STPG4: variants seen among roughly 807,000 people sequenced by gnomAD.
STPG4 encodes the protein protein STPG4.
A neutral mutation model predicts 31.5 loss-of-function variants in STPG4; 41 were observed. That is an observed-to-expected ratio of 1.30 (90% CI 1.01 to 1.69). The LOEUF (loss-of-function observed/expected upper bound fraction) is 1.69, where lower values mean the gene tolerates loss of function less well. Among genes scored for constraint, STPG4 ranks in the 40% most tolerant of loss-of-function variants. The probability of loss-of-function intolerance (pLI) is 0.00; values close to 1 mark genes in which losing one functional copy is unlikely to be tolerated. For synonymous variants in STPG4, 141 were observed against 103.0 expected (o/e 1.37, Z -2.24); for missense variants, 375 against 293.4 (o/e 1.28, Z -2.03).
chr2:47,087,009 T>C lies in STPG4; in HGVS notation c.746A>G (p.Ter249=). Residue 249 remains the stop codon, a stop_retained_variant, in exon 7 of 7, where the codon TAA becomes TGA. Coordinates refer to ENST00000445927, the MANE Select transcript of STPG4 (RefSeq NM_001163561.2). Reference sequence around the variant, plus strand: ...GTAGAGCTTGGTGCCAAGATCACTTTATTTTAAAAGCCAATTGTTGTTGTT... The same window carrying C: ...GTAGAGCTTGGTGCCAAGATCACTTCATTTTAAAAGCCAATTGTTGTTGTT... ...FFNNNNWLLK[*] The C allele has an allele frequency of 6.4e-7, 1 of 1,551,710 alleles. No individual in the cohort carries two copies. The highest frequency in any genetic ancestry group is 1.2e-5 in the South Asian group (1 of 84,064).
chr2:47,112,577 T>C (rs955446894), intron 5 of STPG4, among the ~76,000 whole-genome samples: 1 of 152,208 alleles, frequency 6.6e-6, no homozygotes, highest in Non-Finnish European at 1.5e-5. Context: ...CTTTTATAAC[T>C]AGCCTCATTC....
intron 5 of STPG4, among the ~76,000 whole-genome samples, chr2:47,124,679 T>C (rs113107831): frequency 0.025 from 3,756 of 152,336 alleles, 162 homozygotes; most frequent in African/African-American, 0.085. Flanking sequence ...CATCTGCTAA[T>C]GTACACTAAG....
At chr2:47,138,428 G>C (rs1285170136) in intron 3 of STPG4, among the ~76,000 whole-genome samples, 2 of 144,812 alleles carry the variant, frequency 1.4e-5, no homozygotes, top group African/African-American at 5.2e-5. Context: ...GTCTTACTCT[G>C]TCACCCAGGC....
chr2:47,136,450 GTTC>G (rs1406235739), intron 3 of STPG4, among the ~76,000 whole-genome samples: 2 of 152,126 alleles, frequency 1.3e-5, no homozygotes, highest in African/African-American at 4.8e-5. Context: ...GCCCAGCCAA[GTTC>G]TTCTTTGATT....
chr2:47,116,863 C>T (rs1686163598), intron 5 of STPG4, among the ~76,000 whole-genome samples: 1 of 151,244 alleles, frequency 6.6e-6, no homozygotes, highest in Admixed American at 6.6e-5. Flanking sequence ...AACTCTTGGG[C>T]TCTCATATCC....
intron 3 of STPG4, among the ~76,000 whole-genome samples, chr2:47,142,781 C>T (rs1686740200): frequency 6.9e-6 from 1 of 144,276 alleles, no homozygotes; most frequent in African/African-American, 2.5e-5. Context: ...CATTTTTTTT[C>T]ATGTAGTAAC....
rs573355711 is a variant in STPG4, at chr2:47,087,113, T to C, written c.642A>G (p.Gly214=). The C allele has an allele frequency of 2.1e-5, 32 of 1,551,800 alleles. No individual in the cohort carries two copies. The highest frequency in any genetic ancestry group is 2.4e-5 in the Non-Finnish European group (28 of 1,147,014). The change falls in exon 7 of 7, where the codon GGA becomes GGG. Residue 214 remains glycine (G), a synonymous_variant. Transcript: ENST00000445927. ...LPSCSKTPGP[G]AYTTLRQFPK... ...GGAATTGTCTTAAAGTTGTATATGC[T>C]CCTGGGCCTGGGGTTTTCTGAAAAC...
chr2:47,146,704 A>C (rs1417898508), intron 3 of STPG4, among the ~76,000 whole-genome samples: 1 of 152,252 alleles, frequency 6.6e-6, no homozygotes, highest in Non-Finnish European at 1.5e-5. Context: ...CACCATTCAG[A>C]GAATGAGCAG....
chr2:47,147,436 T>C (rs954916620), intron 3 of STPG4, among the ~76,000 whole-genome samples: 6 of 152,076 alleles, frequency 3.9e-5, no homozygotes, highest in Non-Finnish European at 7.4e-5. Context: ...AGCGAAAAGG[T>C]GGGACAATCA....
intron 1 of STPG4, 69 bp downstream of exon 1, chr2:47,155,102 G>C (rs1013380603): frequency 2.0e-5 from 29 of 1,442,350 alleles, no homozygotes; most frequent in African/African-American, 1.1e-4. Flanking sequence ...ATTAGAGAGC[G>C]GTGGGAAAAG....
intron 5 of STPG4, among the ~76,000 whole-genome samples, chr2:47,111,295 T>C (rs1322854633): frequency 6.6e-6 from 1 of 152,184 alleles, no homozygotes; most frequent in Non-Finnish European, 1.5e-5. Context: ...TAAGTAGTCA[T>C]CAAAAAGTAG....
chr2:47,152,927 T>C, intron 2 of STPG4, 30 bp downstream of exon 2: 1 of 1,472,074 alleles, frequency 6.8e-7, no homozygotes, highest in Non-Finnish European at 9.4e-7. Flanking sequence ...AGGAATAATG[T>C]GAATAGGAAA....
intron 3 of STPG4, among the ~76,000 whole-genome samples, chr2:47,140,871 G>A (rs1360397395): frequency 6.6e-6 from 1 of 151,164 alleles, no homozygotes; most frequent in Middle Eastern, 3.2e-3. Flanking sequence ...CCAGAAGGCT[G>A]GCAGGTACCA....
chr2:47,124,601 G>A lies in STPG4; in HGVS notation c.519+5340C>T, dbSNP rs572727591. On this transcript the variant is annotated intron_variant, in intron 5 of 6. Coordinates refer to ENST00000445927, the MANE Select transcript of STPG4 (RefSeq NM_001163561.2). ...CTGTTCATGTTATTGCAAATAGGAGGACCTCATTATTTCTTATGGCTGTGT... is the reference window on the plus strand; with the variant it reads ...CTGTTCATGTTATTGCAAATAGGAGAACCTCATTATTTCTTATGGCTGTGT... 2.3e-3 allele frequency among the ~76,000 whole-genome samples: 343 copies of A among 152,222 alleles called. 1 individual carries two copies. The highest frequency in any genetic ancestry group is 4.2e-3 in the Non-Finnish European group (286 of 68,002).
chr2:47,096,640 G>T (rs981175131), intron 5 of STPG4, among the ~76,000 whole-genome samples: 2 of 152,146 alleles, frequency 1.3e-5, no homozygotes, highest in Non-Finnish European at 2.9e-5. Context: ...ACTGCTGCTG[G>T]GTTGAATGTG....
intron 5 of STPG4, among the ~76,000 whole-genome samples, chr2:47,100,054 T>C (rs1217811399): frequency 2.6e-5 from 4 of 152,074 alleles, no homozygotes; most frequent in Admixed American, 6.5e-5. Context: ...GCCTCCCTGA[T>C]GAGTGCCGCC....
At chr2:47,131,008 C>T (rs1367402143) in intron 3 of STPG4, among the ~76,000 whole-genome samples, 1 of 151,122 alleles carries the variant, frequency 6.6e-6, no homozygotes, top group Non-Finnish European at 1.5e-5. Flanking sequence ...GAGACAGGAT[C>T]TCACTATGTT....
In STPG4 at chr2:47,087,114, C is replaced by T. The variant is rs754183713; in HGVS notation, c.641G>A (p.Gly214Glu). 1.3e-6 allele frequency: 2 copies of T among 1,551,762 alleles called. No individual in the cohort carries two copies. Among genetic ancestry groups the T allele is most frequent in the Non-Finnish European group, 1.7e-6 (2 of 1,147,006 alleles). ...LPSCSKTPGPGAYTTLRQFPK... is the reference protein window; with the variant it reads ...LPSCSKTPGPEAYTTLRQFPK... ...GAATTGTCTTAAAGTTGTATATGCT[C>T]CTGGGCCTGGGGTTTTCTGAAAACA... Residue 214 changes from glycine to glutamate, a missense_variant, in exon 7 of 7, where the codon GGA becomes GAA. Physicochemically the swap from Gly to Glu is moderately conservative, Grantham distance 98. Coordinates refer to ENST00000445927, the MANE Select transcript of STPG4 (RefSeq NM_001163561.2).
At chr2:47,119,111 C>T (rs926128201) in intron 5 of STPG4, among the ~76,000 whole-genome samples, 5 of 152,182 alleles carry the variant, frequency 3.3e-5, no homozygotes, top group African/African-American at 1.2e-4. Flanking sequence ...CTGCACGCCA[C>T]CATCTCCCAC....
Sources: allele counts gnomAD v4.1 joint callset (sites outside exome capture counted in the v4.1 genomes callset), GRCh38; gene constraint gnomAD v4.1.1; transcripts MANE v1.5; gene names NCBI Gene and HGNC (gene_info 2026-07-23, HGNC 2026-07-21).